STAB2: variants seen among roughly 807,000 people sequenced by gnomAD.
STAB2 encodes the protein stabilin-2.
STAB2 carries 288 observed loss-of-function variants against 338.1 expected under a neutral mutation model. The ratio of observed to expected loss-of-function variants is 0.85; its 90% CI spans 0.77 to 0.94. STAB2 has a LOEUF of 0.94. STAB2 is among the 40% of genes least tolerant of loss of function. STAB2 has a pLI of 0.00. For missense variants in STAB2, 3,141 were observed against 3,210.1 expected (o/e 0.98, Z 0.52); for synonymous variants, 1,202 against 1,193.3 (o/e 1.01, Z -0.15).
intron 43 of STAB2, among the ~76,000 whole-genome samples, chr12:103,717,417 G>C (rs1264902849): frequency 6.6e-6 from 1 of 152,144 alleles, no homozygotes; most frequent in African/African-American, 2.4e-5. Context: ...ATGAATGAGA[G>C]TGGGATATAG....
intron 52 of STAB2, 60 bp from the exon 53 acceptor site, chr12:103,737,574 T>TC: frequency 4.9e-6 from 5 of 1,015,886 alleles, no homozygotes; most frequent in Non-Finnish European, 6.7e-6. Flanking sequence ...GATTGACTGT[T>TC]TCTCTCTCTC....
intron 55 of STAB2, among the ~76,000 whole-genome samples, chr12:103,742,089 TATC>T (rs1482949762): frequency 6.6e-6 from 1 of 152,208 alleles, no homozygotes; most frequent in Admixed American, 6.5e-5. Flanking sequence ...TCATCATTAT[TATC>T]ATCATCATTT....
At chr12:103,731,494 C>CT (rs1279601754) in intron 49 of STAB2, 82 bp from the exon 50 acceptor site, 2 of 1,484,550 alleles carry the variant, frequency 1.3e-6, no homozygotes, top group African/African-American at 1.4e-5. Flanking sequence ...GTTACCTTTA[C>CT]TTTTTTTCAC....
At chr12:103,673,315 T>C (rs1008159327) in intron 22 of STAB2, among the ~76,000 whole-genome samples, 1 of 151,956 alleles carries the variant, frequency 6.6e-6, no homozygotes, top group Non-Finnish European at 1.5e-5. Flanking sequence ...CACACACATA[T>C]AGATAAAAAG....
chr12:103,708,326 G>T, intron 38 of STAB2, 115 bp from the exon 39 acceptor site: 2 of 1,028,690 alleles, frequency 1.9e-6, no homozygotes, highest in East Asian at 4.9e-5. Flanking sequence ...TAAAGACTAT[G>T]ATTCCTAGAA....
intron 3 of STAB2, 56 bp from the exon 4 acceptor site, chr12:103,620,412 G>A (rs1208357402): frequency 1.5e-5 from 22 of 1,468,830 alleles, no homozygotes; most frequent in Non-Finnish European, 2.0e-5. Flanking sequence ...GCGCATCCTT[G>A]CAGAATGCTT....
At chr12:103,644,569 A>G (rs1311807378) in intron 9 of STAB2, among the ~76,000 whole-genome samples, 3 of 122,112 alleles carry the variant, frequency 2.5e-5, no homozygotes, top group East Asian at 4.4e-4. Context: ...AAATAAATAA[A>G]TAAAAATAAA....
At chr12:103,661,032 G>A (rs1565992501) in intron 17 of STAB2, among the ~76,000 whole-genome samples, 1 of 152,156 alleles carries the variant, frequency 6.6e-6, no homozygotes, top group Non-Finnish European at 1.5e-5. Context: ...TGGGCAATGA[G>A]TTAATTATTT....
At chr12:103,672,665 G>GC (rs1159054618) in intron 22 of STAB2, among the ~76,000 whole-genome samples, 3 of 151,888 alleles carry the variant, frequency 2.0e-5, no homozygotes, top group Middle Eastern at 3.2e-3. Context: ...CATTTTCCAA[G>GC]CCCCCCCAGT....
In STAB2 at chr12:103,747,898, G is replaced by A. The variant is rs149268552; in HGVS notation, c.6245-1065G>A. Among the ~76,000 whole-genome samples the A allele has an allele frequency of 6.3e-3, 962 of 151,730 alleles. 3 individuals are homozygous for A. Among genetic ancestry groups the A allele is most frequent in the African/African-American group, 0.022 (920 of 41,344 alleles). On this transcript the variant is annotated intron_variant, in intron 58 of 68. Transcript: ENST00000388887. The stretch of plus-strand genomic sequence containing the variant: ...TAATCCCAGCTACTTGGGAGGCTGA[G>A]GCAGGAGAATCACCTGAACCCAGGA...
At chr12:103,663,085 T>G (rs935145962) in intron 18 of STAB2, 87 bp downstream of exon 18, 4 of 1,525,750 alleles carry the variant, frequency 2.6e-6, no homozygotes, top group Non-Finnish European at 3.5e-6. Flanking sequence ...GAGAAAGGTG[T>G]CAAAGAAAGT....
At chr12:103,724,498 G>A (rs1479915412) in intron 44 of STAB2, among the ~76,000 whole-genome samples, 3 of 152,154 alleles carry the variant, frequency 2.0e-5, no homozygotes, top group Admixed American at 6.5e-5. Context: ...GCTTTGAACC[G>A]TGCTTTGCTT....
intron 63 of STAB2, among the ~76,000 whole-genome samples, chr12:103,757,170 C>CCTCAACCT (rs1275246477): frequency 6.6e-6 from 1 of 151,434 alleles, no homozygotes; most frequent in Non-Finnish European, 1.5e-5. Flanking sequence ...CTCATGGCAG[C>CCTCAACCT]CTCAACCTCC....
chr12:103,650,264 G>A (rs1470256369), intron 10 of STAB2, among the ~76,000 whole-genome samples: 1 of 152,062 alleles, frequency 6.6e-6, no homozygotes, highest in African/African-American at 2.4e-5. Flanking sequence ...AGCTGAGGCT[G>A]TCTGCAGGAA....
In STAB2 at chr12:103,640,168, G is replaced by T. The variant is rs1338688113; in HGVS notation, c.952G>T (p.Val318Leu). ...GCATTACCAGAATTTCGTACCTGGA[G>T]TGGGGTGCAGTATGACTGATATATG... ...KEHYQNFVPG[V>L]GCSMTDICKS... is the part of the protein sequence containing the mutation. The change falls in exon 9 of 69, where the codon GTG (valine) becomes TTG (leucine). Residue 318 changes from valine to leucine, a missense_variant. Val to Leu is a conservative substitution (Grantham distance 32). Transcript: ENST00000388887. 1.2e-6 allele frequency: 2 copies of T among 1,613,674 alleles called. No individual in the cohort carries two copies. The highest frequency in any genetic ancestry group is 2.2e-5 in the South Asian group (2 of 91,018).
At chr12:103,766,156 A>G (rs1243844225) in intron 68 of STAB2, 130 bp from the exon 69 acceptor site, 1 of 1,283,606 alleles carries the variant, frequency 7.8e-7, no homozygotes, top group Non-Finnish European at 1.1e-6. Context: ...AGCACAAACA[A>G]ACACGCCCAG....
At chr12:103,593,454 G>T (rs1302442667) in intron 2 of STAB2, among the ~76,000 whole-genome samples, 2 of 152,036 alleles carry the variant, frequency 1.3e-5, no homozygotes, top group Non-Finnish European at 2.9e-5. Flanking sequence ...ACACCTATTG[G>T]CCACTTGTAT....
chr12:103,670,780 A>G lies in STAB2; in HGVS notation c.2344A>G (p.Asn782Asp), dbSNP rs370260718. 2.8e-5 allele frequency: 45 copies of G among 1,614,038 alleles called. No individual in the cohort carries two copies. The highest frequency in any genetic ancestry group is 3.7e-5 in the Non-Finnish European group (44 of 1,180,022). Residue 782 changes from asparagine to aspartate, a missense_variant, in exon 22 of 69, where the codon AAT becomes GAT. Coordinates refer to ENST00000388887, the MANE Select transcript of STAB2 (RefSeq NM_017564.10). ...CCAGTGTCAGTTCTGCTCTGATCCC[A>G]ATAAATACGGACCTCGGTGTAACAA... The part of the protein sequence containing the change: ...GSQCQFCSDP[N>D]KYGPRCNKKC...
intron 5 of STAB2, among the ~76,000 whole-genome samples, chr12:103,628,397 T>G (rs2138656796): frequency 6.6e-6 from 1 of 152,278 alleles, no homozygotes; most frequent in East Asian, 1.9e-4. Flanking sequence ...TAAGGAGGCA[T>G]CAAAAAAACT....
Sources: allele counts gnomAD v4.1 joint callset (sites outside exome capture counted in the v4.1 genomes callset), GRCh38; gene constraint gnomAD v4.1.1; transcripts MANE v1.5; gene names NCBI Gene and HGNC (gene_info 2026-07-23, HGNC 2026-07-21).